The following MEGF10 variants were observed in gnomAD, a reference collection of about 807,000 sequenced individuals.
MEGF10 encodes multiple epidermal growth factor-like domains protein 10.
MEGF10 carries 86 observed loss-of-function variants against 147.5 expected under a neutral mutation model. The ratio of observed to expected loss-of-function variants is 0.58; its 90% confidence interval spans 0.49 to 0.70. The LOEUF is 0.70. MEGF10 is among the 30% of genes least tolerant of loss of function. MEGF10 has a pLI of 0.00. For synonymous variants in MEGF10, 478 were observed against 525.5 expected, an observed-to-expected ratio of 0.91 and a Z score of 1.24; for missense variants, 1,329 against 1,487.3, an observed-to-expected ratio of 0.89 and a Z score of 1.75.
chr5:127,329,644 C>T (rs990881804), intron 1 of MEGF10, among the ~76,000 whole-genome samples: 6 of 151,780 alleles, frequency 4.0e-5, no homozygotes, highest in Non-Finnish European at 5.9e-5. Context: ...ATGAGTATAA[C>T]TTCTTAAAAT....
chr5:127,361,008 T>G (rs1161365439), intron 4 of MEGF10, among the ~76,000 whole-genome samples: 2 of 152,026 alleles, frequency 1.3e-5, no homozygotes. Context: ...GTTTCTTTCT[T>G]ACTGCAAATG....
chr5:127,292,244 G>T (rs1759292498), intron 1 of MEGF10, among the ~76,000 whole-genome samples: 1 of 152,082 alleles, frequency 6.6e-6, no homozygotes, highest in Non-Finnish European at 1.5e-5. Context: ...TCACAACTCT[G>T]CCACTTTTCA....
At chr5:127,241,447 G>T in the MEGF10 span, among the ~76,000 whole-genome samples, 1 of 152,114 alleles carries the variant, frequency 6.6e-6, no homozygotes, top group South Asian at 2.1e-4. Flanking sequence ...GTGAATTTTG[G>T]ATATTTACAG....
At chr5:127,372,354 A>T (rs554812136) in intron 5 of MEGF10, among the ~76,000 whole-genome samples, 18 of 152,240 alleles carry the variant, frequency 1.2e-4, no homozygotes, top group Non-Finnish European at 2.5e-4. Flanking sequence ...TTGCAAAGAT[A>T]GTACAGAGCT....
At chr5:127,327,299 A>G (rs1761076926) in intron 1 of MEGF10, among the ~76,000 whole-genome samples, 1 of 152,164 alleles carries the variant, frequency 6.6e-6, no homozygotes, top group South Asian at 2.1e-4. Flanking sequence ...TTATTTTTTT[A>G]CATTTTAAAT....
At chr5:127,315,176 C>G (rs1176728339) in intron 1 of MEGF10, among the ~76,000 whole-genome samples, 2 of 152,078 alleles carry the variant, frequency 1.3e-5, no homozygotes, top group Admixed American at 6.6e-5. Flanking sequence ...CTTTAGCTTC[C>G]TTAGTTCAAA....
In MEGF10 at chr5:127,419,177, C is replaced by A. The variant is rs765998227; in HGVS notation, c.1363C>A (p.Arg455Ser). ...AACCTATGGGATAAACTGTTCCTCT[C>A]GCTGTGGCTGTAAAAATGATGCAGT... ...LGTYGINCSS[R>S]CGCKNDAVCS... is the part of the protein sequence containing the mutation. Residue 455 changes from arginine (R) to serine (S), a missense_variant, in exon 11 of 25, where the codon CGC (arginine) becomes AGC (serine). By Grantham distance (110) the Arg-to-Ser change is moderately radical. This residue lies in a region of MEGF10 where 980 missense variants were observed against 1,085.9 expected (regional missense o/e 0.90). Transcript: ENST00000503335. The A allele has an allele frequency of 1.9e-6, 3 of 1,614,114 alleles. No individual in the cohort carries two copies. The highest frequency in any genetic ancestry group is 2.5e-6 in the Non-Finnish European group (3 of 1,180,008).
intron 13 of MEGF10, 75 bp from the exon 14 acceptor site, chr5:127,433,288 C>T: frequency 6.3e-7 from 1 of 1,584,814 alleles, no homozygotes; most frequent in South Asian, 1.1e-5. Flanking sequence ...GAGCTTAGTC[C>T]TCATCTATGA....
At chr5:127,441,485 TA>T (rs1317108715) in intron 18 of MEGF10, among the ~76,000 whole-genome samples, 4 of 152,346 alleles carry the variant, frequency 2.6e-5, no homozygotes, top group Non-Finnish European at 5.9e-5. Flanking sequence ...CTTATTTTTT[TA>T]TTTCCACCCC....
intron 8 of MEGF10, among the ~76,000 whole-genome samples, chr5:127,407,494 T>C (rs528314260): frequency 1.4e-4 from 22 of 152,352 alleles, no homozygotes; most frequent in Admixed American, 6.5e-4. Context: ...ACTTTATCTC[T>C]ACTTAATGCT....
Position 127,445,457 on chromosome 5 carries a change from C to T in MEGF10, c.2492C>T (p.Ala831Val), listed in dbSNP as rs1236248962. 1 of 1,608,976 alleles carries T rather than the reference C, an allele frequency of 6.2e-7. No individual in the cohort carries two copies. Among genetic ancestry groups the T allele is most frequent in the African/African-American group, 1.3e-5 (1 of 74,788 alleles). The change falls in exon 20 of 25, where the codon GCT (alanine) becomes GTT (valine). Residue 831 changes from alanine (A) to valine (V), a missense_variant and splice_region_variant. Ala to Val is a moderately conservative substitution (Grantham distance 64). Around this residue, in one of 3 missense-constraint regions of MEGF10, gnomAD observed 6 missense variants for 23.5 expected, o/e 0.26. Coordinates refer to ENST00000503335, the MANE Select transcript of MEGF10 (RefSeq NM_001256545.2). ...PGWKGARCDQ[A>V]GVIIVGNLNS... The stretch of plus-strand genomic sequence containing the variant: ...TCTCAAGTCTCTCTTCTTTTTCTAG[C>T]TGGTGTTATCATAGTTGGAAATCTG...
chr5:127,308,650 G>A (rs1452068295), intron 1 of MEGF10, among the ~76,000 whole-genome samples: 1 of 151,788 alleles, frequency 6.6e-6, no homozygotes, highest in African/African-American at 2.4e-5. Flanking sequence ...ACTCATAGGT[G>A]GGAATTGAAC....
the MEGF10 span, among the ~76,000 whole-genome samples, chr5:127,234,662 C>G: frequency 4.6e-5 from 7 of 152,156 alleles, no homozygotes; most frequent in African/African-American, 1.7e-4. Flanking sequence ...ATAGATCATA[C>G]TGAATTGATT....
At chr5:127,282,675 T>G in the MEGF10 span, among the ~76,000 whole-genome samples, 286 of 152,338 alleles carry the variant, frequency 1.9e-3, 1 homozygote, top group African/African-American at 6.6e-3. Context: ...TCTAATAGTT[T>G]CTTTTCCCAG....
At chr5:127,392,789 C>T (rs1763752298) in intron 5 of MEGF10, among the ~76,000 whole-genome samples, 1 of 152,148 alleles carries the variant, frequency 6.6e-6, no homozygotes. Context: ...CACTTACGGA[C>T]TGGAGCTTGG....
chr5:127,332,274 T>C (rs1478757004), intron 2 of MEGF10, among the ~76,000 whole-genome samples: 1 of 152,072 alleles, frequency 6.6e-6, no homozygotes, highest in Non-Finnish European at 1.5e-5. Flanking sequence ...AATTATCTTA[T>C]CCAAAAACTG....
chr5:127,358,334 T>G (rs1184905859), intron 4 of MEGF10, among the ~76,000 whole-genome samples: 1 of 152,176 alleles, frequency 6.6e-6, no homozygotes, highest in African/African-American at 2.4e-5. Context: ...GTACTCTAAT[T>G]ATGACTTCCA....
chr5:127,310,939 G>A (rs1371452080), intron 1 of MEGF10, among the ~76,000 whole-genome samples: 3 of 152,150 alleles, frequency 2.0e-5, no homozygotes, highest in Non-Finnish European at 2.9e-5. Flanking sequence ...CCTCAGGCTG[G>A]AAAGATTGCT....
chr5:127,362,530 A>AT (rs1266900431), intron 4 of MEGF10, among the ~76,000 whole-genome samples: 2 of 151,418 alleles, frequency 1.3e-5, no homozygotes, highest in Non-Finnish European at 2.9e-5. Flanking sequence ...CGCCCGGCTA[A>AT]TTTTTTTGTA....
Sources: allele counts gnomAD v4.1 joint callset (sites outside exome capture counted in the v4.1 genomes callset), GRCh38; gene constraint gnomAD v4.1.1; regional missense constraint gnomAD v4.1.1; transcripts MANE v1.5; gene names NCBI Gene and HGNC (gene_info 2026-07-23, HGNC 2026-07-21).